Variants in OTUD7A observed in about 807,000 individuals in gnomAD.
OTUD7A encodes OTU deubiquitinase 7A.
A neutral mutation model predicts 65.7 loss-of-function variants in OTUD7A; 12 were observed. The observed-to-expected ratio is 0.18, with a 90% CI of 0.12 to 0.30. The LOEUF is 0.30. Ranked by LOEUF, OTUD7A falls within the 10% of genes least tolerant of loss-of-function variation. The probability of loss-of-function intolerance (pLI) is 1.00; values close to 1 mark genes in which losing one functional copy is unlikely to be tolerated. For synonymous variants in OTUD7A, 641 were observed against 586.3 expected, an observed-to-expected ratio of 1.09 and a Z score of -1.35; for missense variants, 1,148 against 1,304.8, an observed-to-expected ratio of 0.88 and a Z score of 1.85.
chr15:31,567,751 T>C (rs1005404485), intron 4 of OTUD7A, among the ~76,000 whole-genome samples: 3 of 152,224 alleles, frequency 2.0e-5, no homozygotes, highest in African/African-American at 7.2e-5. Flanking sequence ...CGCTACCTTG[T>C]GTAGCCTTGG....
intron 1 of OTUD7A, among the ~76,000 whole-genome samples, chr15:31,826,750 G>T (rs895981893): frequency 6.6e-6 from 1 of 152,116 alleles, no homozygotes; most frequent in Non-Finnish European, 1.5e-5. Context: ...CTAATTCACC[G>T]CTTGAATGCT....
chr15:31,858,887 G>C (rs1352251520), intron 1 of OTUD7A, among the ~76,000 whole-genome samples: 3 of 152,210 alleles, frequency 2.0e-5, no homozygotes, highest in Non-Finnish European at 4.4e-5. Flanking sequence ...GTCACATGGG[G>C]CCTGAAGACA....
chr15:31,775,783 G>C (rs1303623745), intron 1 of OTUD7A, among the ~76,000 whole-genome samples: 1 of 152,178 alleles, frequency 6.6e-6, no homozygotes, highest in Non-Finnish European at 1.5e-5. Flanking sequence ...GCGAGAAAGG[G>C]AAGAATGTGA....
chr15:31,629,271 A>G (rs1427616817), intron 3 of OTUD7A, among the ~76,000 whole-genome samples: 1 of 152,204 alleles, frequency 6.6e-6, no homozygotes, highest in African/African-American at 2.4e-5. Flanking sequence ...TGTCCAATCA[A>G]TACCTAATTT....
In OTUD7A at chr15:31,527,304, C is replaced by T; in HGVS notation, c.657G>A (p.Met219Ile). 2 of 1,613,986 alleles carry T rather than the reference C, an allele frequency of 1.2e-6. No individual in the cohort carries two copies. Among genetic ancestry groups the T allele is most frequent in the Admixed American group, 1.7e-5 (1 of 60,016 alleles). Residue 219 changes from methionine (M) to isoleucine (I), a missense_variant, in exon 7 of 13, where the codon ATG becomes ATA. Physicochemically the swap from Met to Ile is conservative, Grantham distance 10. This residue lies in a region of OTUD7A where 134 missense variants were observed against 252.6 expected (regional missense o/e 0.53). Transcript: ENST00000307050. ...CCAGGTCCCGGTCGTGAAACCCCCA[C>T]ATTCCTGGAGCCAGGAGGCCAGGGA... ...NCLLHAASLG[M>I]WGFHDRDLVL...
chr15:31,628,078 C>T (rs1230049373), intron 3 of OTUD7A, among the ~76,000 whole-genome samples: 1 of 152,160 alleles, frequency 6.6e-6, no homozygotes, highest in Admixed American at 6.5e-5. Flanking sequence ...TTTTGCTGTG[C>T]AGAAGCTCTT....
intron 1 of OTUD7A, among the ~76,000 whole-genome samples, chr15:31,813,841 C>T (rs1046174796): frequency 1.3e-5 from 2 of 152,180 alleles, no homozygotes; most frequent in Non-Finnish European, 2.9e-5. Flanking sequence ...TTCCTGCCTC[C>T]GCAGTGACAC....
Position 31,506,483 on chromosome 15 carries a change from G to C in OTUD7A, c.894-2665C>G, listed in dbSNP as rs2041570456. Among the ~76,000 whole-genome samples, 2 of 152,030 alleles carry C rather than the reference G, an allele frequency of 1.3e-5. 1 individual carries two copies. The highest frequency in any genetic ancestry group is 4.1e-4 in the South Asian group (2 of 4,822). On this transcript the variant is annotated intron_variant, in intron 8 of 12. Transcript: ENST00000307050. ...TTAATAGCATTTATATAAACTTGAG[G>C]ATTAAAGGACTTACAAGGAATTTTT... is the stretch of plus-strand genomic sequence containing the variant.
chr15:31,646,479 G>A (rs1015709309), intron 3 of OTUD7A, among the ~76,000 whole-genome samples: 1 of 87,658 alleles, frequency 1.1e-5, no homozygotes, highest in Admixed American at 1.4e-4. Flanking sequence ...TTTTTTTTTT[G>A]AGACAGAGTC....
At chr15:31,515,620 ACCC>A (rs2041835948) in intron 8 of OTUD7A, among the ~76,000 whole-genome samples, 1 of 30,580 alleles carries the variant, frequency 3.3e-5, no homozygotes, top group Admixed American at 3.1e-4. Context: ...CCACCCACCC[ACCC>A]ATCTCTCTTC....
intron 1 of OTUD7A, among the ~76,000 whole-genome samples, chr15:31,786,738 G>A (rs1325107247): frequency 6.6e-6 from 1 of 152,130 alleles, no homozygotes; most frequent in Non-Finnish European, 1.5e-5. Context: ...GCCTTGATCT[G>A]GGAAAGGGAG....
intron 3 of OTUD7A, among the ~76,000 whole-genome samples, chr15:31,632,578 A>T (rs1178560333): frequency 1.3e-5 from 2 of 152,240 alleles, no homozygotes; most frequent in African/African-American, 2.4e-5. Flanking sequence ...TCAAGGACCC[A>T]CTTGAGGAGG....
intron 1 of OTUD7A, chr15:31,766,319 C>A (rs1189451344): frequency 2.2e-5 from 36 of 1,605,638 alleles, no homozygotes; most frequent in Non-Finnish European, 3.1e-5. Context: ...AAATCATACG[C>A]ATTAAAAGTT....
chr15:31,535,636 A>G (rs1887769305), intron 5 of OTUD7A, among the ~76,000 whole-genome samples: 1 of 151,880 alleles, frequency 6.6e-6, no homozygotes, highest in African/African-American at 2.4e-5. Flanking sequence ...TGTCTCTGAA[A>G]TAAATAGCCA....
intron 1 of OTUD7A, among the ~76,000 whole-genome samples, chr15:31,843,636 A>C (rs1207914680): frequency 6.6e-6 from 1 of 152,224 alleles, no homozygotes; most frequent in Non-Finnish European, 1.5e-5. Flanking sequence ...GAGCTGGGTG[A>C]CAATAAACAA....
At chr15:31,632,609 C>G (rs549664601) in intron 3 of OTUD7A, among the ~76,000 whole-genome samples, 2 of 152,374 alleles carry the variant, frequency 1.3e-5, no homozygotes, top group African/African-American at 4.8e-5. Context: ...GTTCTCAGAT[C>G]TCCAGCTGTG....
chr15:31,548,477 C>A (rs754090287), intron 5 of OTUD7A, among the ~76,000 whole-genome samples: 1 of 152,124 alleles, frequency 6.6e-6, no homozygotes, highest in Non-Finnish European at 1.5e-5. Flanking sequence ...ACGCTCTGAG[C>A]TGAACTGAGG....
chr15:31,862,290 T>C (rs968591195), intron 1 of OTUD7A, among the ~76,000 whole-genome samples: 9 of 152,234 alleles, frequency 5.9e-5, no homozygotes, highest in Admixed American at 3.9e-4. Context: ...GTTATTCTTA[T>C]GCACAGCAGC....
Position 31,694,145 on chromosome 15 carries a change from G to A in OTUD7A, c.-99-37068C>T, listed in dbSNP as rs1189907692. 5.3e-5 allele frequency among the ~76,000 whole-genome samples: 8 copies of A among 152,250 alleles called. 1 individual carries two copies. The highest frequency in any genetic ancestry group is 1.7e-4 in the African/African-American group (7 of 41,544). On this transcript the variant is annotated intron_variant, in intron 1 of 12. Coordinates refer to ENST00000307050, the MANE Select transcript of OTUD7A (RefSeq NM_001382637.1). ...GTGACCTTAGTGACCCCAGAGTGGC[G>A]CTCAGAAGCCAGGACACTGCCCTCA... is the stretch of plus-strand genomic sequence containing the variant.
Sources: gnomAD v4.1 joint callset for allele counts (sites outside exome capture counted in the v4.1 genomes callset) on GRCh38, gnomAD v4.1.1 for gene constraint, gnomAD v4.1.1 regional missense constraint, MANE v1.5 for transcripts, NCBI Gene and HGNC (gene_info 2026-07-23, HGNC 2026-07-21) for gene names.